The following C12orf54 variants were observed in gnomAD, a reference collection of about 807,000 sequenced individuals.
C12orf54 encodes the protein uncharacterized protein C12orf54.
Under a neutral mutation model 26.4 loss-of-function variants are expected in C12orf54, and 24 were observed. That is an observed-to-expected ratio of 0.91 (90% CI 0.66 to 1.28). C12orf54 has a LOEUF of 1.28. Among genes scored for constraint, C12orf54 ranks in the 50% most tolerant of loss-of-function variants. The pLI is 0.00. For synonymous variants in C12orf54, 54 were observed against 47.0 expected, an observed-to-expected ratio of 1.15 and a Z score of -0.61; for missense variants, 154 against 150.9, an observed-to-expected ratio of 1.02 and a Z score of -0.11.
At chr12:48,439,694 C>G in the C12orf54 span, among the ~76,000 whole-genome samples, 1 of 151,942 alleles carries the variant, frequency 6.6e-6, no homozygotes, top group Non-Finnish European at 1.5e-5. Flanking sequence ...GGGAATTGAA[C>G]AATGAGAACA....
intron 7 of C12orf54, among the ~76,000 whole-genome samples, chr12:48,494,167 T>A (rs1172889799): frequency 6.6e-6 from 1 of 150,442 alleles, no homozygotes; most frequent in East Asian, 2.0e-4. Context: ...TGCAGTGAGC[T>A]GAGATTGTGC....
chr12:48,465,548 CA>C, the C12orf54 span, among the ~76,000 whole-genome samples: 1 of 152,108 alleles, frequency 6.6e-6, no homozygotes. Flanking sequence ...TTCAACCTAG[CA>C]ATCTCATTAC....
the C12orf54 span, among the ~76,000 whole-genome samples, chr12:48,452,794 C>G: frequency 6.6e-6 from 1 of 151,952 alleles, no homozygotes; most frequent in Non-Finnish European, 1.5e-5. Context: ...AAATCAAAAC[C>G]ACAATGAAAT....
chr12:48,486,297 A>T, intron 3 of C12orf54, 89 bp downstream of exon 3: 1 of 1,289,522 alleles, frequency 7.8e-7, no homozygotes, highest in Non-Finnish European at 1.1e-6. Flanking sequence ...CAGGAGGCCA[A>T]AAAAAAAAGC....
At chr12:48,477,126 C>A in the C12orf54 span, among the ~76,000 whole-genome samples, 1 of 152,214 alleles carries the variant, frequency 6.6e-6, no homozygotes, top group Admixed American at 6.5e-5. Context: ...GGAAACTGAA[C>A]AACATGCTCC....
the C12orf54 span, among the ~76,000 whole-genome samples, chr12:48,467,316 C>T: frequency 1.3e-5 from 2 of 152,074 alleles, no homozygotes; most frequent in African/African-American, 4.8e-5. Flanking sequence ...CGAACCCTGT[C>T]GACACCTTGA....
intron 4 of C12orf54, among the ~76,000 whole-genome samples, chr12:48,487,634 C>A (rs556305445): frequency 6.6e-6 from 1 of 152,252 alleles, no homozygotes; most frequent in Admixed American, 6.5e-5. Context: ...GCACTTATAA[C>A]AAAGAGTAAA....
the C12orf54 span, among the ~76,000 whole-genome samples, chr12:48,471,003 A>G: frequency 2.0e-5 from 3 of 152,138 alleles, no homozygotes; most frequent in Non-Finnish European, 4.4e-5. Flanking sequence ...TTTTAAATGT[A>G]CAATTAAGTT....
At chr12:48,477,778 T>C (rs576287347), upstream of C12orf54, among the ~76,000 whole-genome samples, 1 of 152,068 alleles carries the variant, frequency 6.6e-6, no homozygotes, top group Non-Finnish European at 1.5e-5. Context: ...CAAAAAAAGT[T>C]GAGGACCAGA....
intron 7 of C12orf54, among the ~76,000 whole-genome samples, chr12:48,493,641 A>T (rs1937841369): frequency 1.0e-5 from 1 of 97,932 alleles, no homozygotes; most frequent in East Asian, 2.1e-4. Flanking sequence ...AAAAAAAAAA[A>T]AAAAAGGGAT....
chr12:48,422,524 T>C, the C12orf54 span, among the ~76,000 whole-genome samples: 1 of 152,164 alleles, frequency 6.6e-6, no homozygotes, highest in Non-Finnish European at 1.5e-5. Flanking sequence ...TCTTCTACAC[T>C]GAGTAAAAAA....
At chr12:48,495,241 C>T (rs1937887034) in intron 8 of C12orf54, among the ~76,000 whole-genome samples, 1 of 152,052 alleles carries the variant, frequency 6.6e-6, no homozygotes, top group South Asian at 2.1e-4. Flanking sequence ...AACAAAGATC[C>T]AAACAGAGTG....
chr12:48,445,245 T>C, the C12orf54 span, among the ~76,000 whole-genome samples: 1 of 151,798 alleles, frequency 6.6e-6, no homozygotes, highest in Non-Finnish European at 1.5e-5. Flanking sequence ...GAGAATAGTC[T>C]AGGGCTTTGC....
At chr12:48,456,506 G>T in the C12orf54 span, among the ~76,000 whole-genome samples, 1 of 152,204 alleles carries the variant, frequency 6.6e-6, no homozygotes, top group Non-Finnish European at 1.5e-5. Flanking sequence ...TGAACAGGTA[G>T]CATTTGAGAT....
upstream of C12orf54, among the ~76,000 whole-genome samples, chr12:48,481,199 A>AGT (rs1954194563): frequency 9.5e-6 from 1 of 105,490 alleles, no homozygotes; most frequent in East Asian, 5.7e-4. Flanking sequence ...ATAAAAATAG[A>AGT]GTTTTTTTTT....
chr12:48,450,004 C>T, the C12orf54 span, among the ~76,000 whole-genome samples: 3 of 152,156 alleles, frequency 2.0e-5, no homozygotes, highest in Non-Finnish European at 4.4e-5. Flanking sequence ...TAAGAAGCAC[C>T]CTCTGCCATG....
At chr12:48,488,816 C>A in intron 4 of C12orf54, 108 bp from the exon 5 acceptor site, 1 of 896,918 alleles carries the variant, frequency 1.1e-6, no homozygotes, top group Admixed American at 2.1e-5. Flanking sequence ...TCACATTCTA[C>A]AGCCTAGTGG....
At chr12:48,418,380 A>C in the C12orf54 span, among the ~76,000 whole-genome samples, 1 of 152,160 alleles carries the variant, frequency 6.6e-6, no homozygotes, top group African/African-American at 2.4e-5. Flanking sequence ...TCTATTCAAT[A>C]TTTTTATTAT....
the C12orf54 span, among the ~76,000 whole-genome samples, chr12:48,457,589 C>A: frequency 1.3e-5 from 2 of 152,112 alleles, no homozygotes; most frequent in Non-Finnish European, 2.9e-5. Flanking sequence ...GCCTCGGCCT[C>A]CCAAAGTTGG....
Sources: allele counts gnomAD v4.1 joint callset (sites outside exome capture counted in the v4.1 genomes callset), GRCh38; gene constraint gnomAD v4.1.1; transcripts MANE v1.5; gene names NCBI Gene and HGNC (gene_info 2026-07-23, HGNC 2026-07-21).